PCDHGB1: variants seen among roughly 807,000 people sequenced by gnomAD.
PCDHGB1 encodes protocadherin gamma subfamily B, 1.
In PCDHGB1, 34 loss-of-function variants were observed where a neutral mutation model predicts 56.6. That is an observed-to-expected ratio of 0.60 (90% CI 0.46 to 0.80). PCDHGB1 has a LOEUF of 0.80. Among genes scored for constraint, PCDHGB1 ranks in the 30% least tolerant of loss-of-function variants. The probability of loss-of-function intolerance (pLI) is 0.00; values close to 1 mark genes in which losing one functional copy is unlikely to be tolerated. For synonymous variants in PCDHGB1, 561 were observed against 505.9 expected (o/e 1.11, Z -1.46); for missense variants, 1,278 against 1,204.6 (o/e 1.06, Z -0.90).
chr5:141,413,841 T>G, intron 1 of PCDHGB1: 1 of 1,613,060 alleles, frequency 6.2e-7, no homozygotes, highest in Non-Finnish European at 8.5e-7. Context: ...CCGACGGGGG[T>G]GACCCTCTCC....
At chr5:141,480,085 A>G (rs2099512286) in intron 1 of PCDHGB1, among the ~76,000 whole-genome samples, 1 of 152,216 alleles carries the variant, frequency 6.6e-6, no homozygotes, top group Admixed American at 6.5e-5. Context: ...TGCATGATAT[A>G]ATGTATGCAA....
intron 1 of PCDHGB1, among the ~76,000 whole-genome samples, chr5:141,453,065 G>A (rs1308047230): frequency 3.3e-5 from 5 of 151,960 alleles, no homozygotes; most frequent in African/African-American, 1.2e-4. Flanking sequence ...TTAGAGTTTT[G>A]CCACACTCTG....
chr5:141,501,323 A>G (rs2099807887), intron 2 of PCDHGB1, among the ~76,000 whole-genome samples: 1 of 151,850 alleles, frequency 6.6e-6, no homozygotes, highest in East Asian at 1.9e-4. Flanking sequence ...ACACACACAC[A>G]CACACACACA....
chr5:141,450,835 T>TA lies in PCDHGB1; in HGVS notation c.2410-43972_2410-43971insA, dbSNP rs1438371595. ...ATTTAATATTATTATTATTATTTTT[T>TA]TTTTTTTGAGATGGGGTCTTGCTCT... is the stretch of plus-strand genomic sequence containing the variant. On this transcript the variant is annotated intron_variant, in intron 1 of 3. Coordinates refer to ENST00000523390, the MANE Select transcript of PCDHGB1 (RefSeq NM_018922.3). 4.0e-3 allele frequency among the ~76,000 whole-genome samples: 570 copies of TA among 142,160 alleles called. 3 individuals are homozygous for TA. The highest frequency in any genetic ancestry group is 0.015 in the Middle Eastern group (4 of 270). The allele number at this position is 142,160 out of a possible 152,430, so 93.3% of individuals were successfully genotyped here.
chr5:141,357,409 G>A, intron 1 of PCDHGB1: 4 of 1,614,250 alleles, frequency 2.5e-6, no homozygotes, highest in Non-Finnish European at 2.5e-6. Flanking sequence ...AGGTGTGCCT[G>A]CCTCGCACTT....
At chr5:141,394,250 C>T (rs749533197) in intron 1 of PCDHGB1, 15 of 1,613,784 alleles carry the variant, frequency 9.3e-6, no homozygotes, top group Non-Finnish European at 1.0e-5. Flanking sequence ...CACACGACCC[C>T]GACAGCCAGG....
chr5:141,363,169 T>A (rs2149843303), intron 1 of PCDHGB1, among the ~76,000 whole-genome samples: 1 of 152,382 alleles, frequency 6.6e-6, no homozygotes, highest in Admixed American at 6.5e-5. Context: ...TTCTCTAACA[T>A]GCATTTTAAC....
intron 1 of PCDHGB1, chr5:141,385,131 C>T (rs371376308): frequency 4.3e-6 from 7 of 1,614,082 alleles, no homozygotes; most frequent in Admixed American, 1.7e-5. Flanking sequence ...TGGGCATGGA[C>T]GGGGTGCAGG....
intron 1 of PCDHGB1, chr5:141,399,279 C>G (rs370090713): frequency 1.2e-6 from 2 of 1,613,694 alleles, no homozygotes; most frequent in Non-Finnish European, 1.7e-6. Flanking sequence ...AATTACAAGG[C>G]GAAGTCCCTT....
chr5:141,427,887 C>A (rs759734297), intron 1 of PCDHGB1: 2 of 1,565,908 alleles, frequency 1.3e-6, no homozygotes, highest in Admixed American at 1.7e-5. Flanking sequence ...GGCCCACGAC[C>A]AGGGCTCGCC....
intron 1 of PCDHGB1, among the ~76,000 whole-genome samples, chr5:141,373,240 T>C (rs1021689504): frequency 2.6e-5 from 4 of 152,230 alleles, no homozygotes; most frequent in African/African-American, 9.6e-5. Context: ...TATTTTTACT[T>C]CCCTTTGCAT....
At chr5:141,361,191 A>G (rs758042859) in intron 1 of PCDHGB1, 21 of 1,613,874 alleles carry the variant, frequency 1.3e-5, no homozygotes, top group Non-Finnish European at 1.8e-5. Context: ...TGACTTCAGT[A>G]TCTACTCCCC....
rs762306215 is a variant in PCDHGB1 at position 141,374,474 on chromosome 5, C to A, written c.2409+21805C>A. On this transcript the variant is annotated intron_variant, in intron 1 of 3. Transcript: ENST00000523390. ...AATAGTGGACATTAATGACAATACA[C>A]CCCGATTCTTAAAGGAAGAATTGGA... 3.7e-6 allele frequency: 6 copies of A among 1,612,140 alleles called. No individual in the cohort carries two copies. In the African/African-American group the frequency reaches 4.0e-5, roughly 11 times the overall value.
chr5:141,440,451 A>G (rs2098179077), intron 1 of PCDHGB1: 1 of 152,230 alleles, frequency 6.6e-6, no homozygotes, highest in Non-Finnish European at 1.5e-5. Flanking sequence ...CATCTCAAAA[A>G]AAATGAACAA....
At chr5:141,478,644 T>G in intron 1 of PCDHGB1, 1 of 1,552,238 alleles carries the variant, frequency 6.4e-7, no homozygotes, top group South Asian at 1.2e-5. Context: ...GATGAAGATG[T>G]TTTCCTGGTG....
Position 141,430,800 on chromosome 5 carries a change from T to C in PCDHGB1, c.2410-64007T>C, listed in dbSNP as rs770490590. 2.6e-6 allele frequency: 4 copies of C among 1,524,818 alleles called. No homozygotes were observed. In the South Asian group the frequency reaches 5.3e-5, roughly 20 times the overall value. 94.5% of individuals were successfully genotyped at this position (1,524,818 alleles called of 1,614,324 possible). A position where few individuals can be genotyped will look rare whatever the true frequency, so the allele number is the denominator to read the frequency against. ...CTGCACCGGGACTACAAAGGGCTTG[T>C]CCTGCTGGGAATCCTCCTGGGGACT... is the stretch of plus-strand genomic sequence containing the variant. On this transcript the variant is annotated intron_variant, in intron 1 of 3. Transcript: ENST00000523390.
intron 1 of PCDHGB1, chr5:141,365,374 C>T: frequency 6.2e-7 from 1 of 1,613,926 alleles, no homozygotes; most frequent in Non-Finnish European, 8.5e-7. Context: ...CCGAAGTGAT[C>T]CTCACCTCTC....
intron 1 of PCDHGB1, chr5:141,366,919 ATTCTGTTT>A: frequency 1.8e-6 from 2 of 1,085,760 alleles, no homozygotes; most frequent in Non-Finnish European, 2.5e-6. Flanking sequence ...TTGTTTTCAA[ATTCTGTTT>A]TGGGAAGTCT....
At chr5:141,377,774 A>T (rs1279958954) in intron 1 of PCDHGB1, 1 of 152,232 alleles carries the variant, frequency 6.6e-6, no homozygotes, top group Non-Finnish European at 1.5e-5. Context: ...TTGGTGTTAA[A>T]AGACCTGAAT....
Sources: gnomAD v4.1 joint callset for allele counts (sites outside exome capture counted in the v4.1 genomes callset) on GRCh38, gnomAD v4.1.1 for gene constraint, MANE v1.5 for transcripts, NCBI Gene and HGNC (gene_info 2026-07-23, HGNC 2026-07-21) for gene names.